The following PPP1R9A variants were observed in gnomAD, a reference collection of about 807,000 sequenced individuals.
PPP1R9A encodes neurabin-1.
In PPP1R9A, 59 loss-of-function variants were observed where a neutral mutation model predicts 141.9. The observed-to-expected ratio is 0.42, with a 90% confidence interval of 0.34 to 0.52. The LOEUF (loss-of-function observed/expected upper bound fraction) is 0.52. Ranked by LOEUF, PPP1R9A falls within the 20% of genes least tolerant of loss-of-function variation. The pLI, the probability that PPP1R9A is intolerant of heterozygous loss-of-function variation, is 0.10. For synonymous variants in PPP1R9A, 500 were observed against 569.7 expected (o/e 0.88, Z 1.74); for missense variants, 1,444 against 1,611.9 (o/e 0.90, Z 1.78).
At chr7:95,016,091 A>T (rs1805067292) in intron 2 of PPP1R9A, among the ~76,000 whole-genome samples, 1 of 152,130 alleles carries the variant, frequency 6.6e-6, no homozygotes, top group Non-Finnish European at 1.5e-5. Flanking sequence ...GCCTAGATAG[A>T]TTGTAATCAA....
At chr7:95,033,889 A>G (rs1225672914) in intron 2 of PPP1R9A, among the ~76,000 whole-genome samples, 1 of 152,158 alleles carries the variant, frequency 6.6e-6, no homozygotes, top group Non-Finnish European at 1.5e-5. Flanking sequence ...TTGTGATGCT[A>G]TATACCAATG....
intron 3 of PPP1R9A, among the ~76,000 whole-genome samples, chr7:95,115,912 G>GT (rs1821417559): frequency 7.3e-6 from 1 of 137,022 alleles, no homozygotes; most frequent in Non-Finnish European, 1.5e-5. Flanking sequence ...ACAAGACTCT[G>GT]TCTCAAAAAA....
intron 5 of PPP1R9A, among the ~76,000 whole-genome samples, chr7:95,176,222 A>G (rs888508314): frequency 6.6e-6 from 1 of 152,076 alleles, no homozygotes; most frequent in African/African-American, 2.4e-5. Flanking sequence ...AGCCTGGTGG[A>G]TTTGCTGGGT....
At chr7:94,923,607 C>T (rs779958308) in intron 2 of PPP1R9A, among the ~76,000 whole-genome samples, 2 of 152,112 alleles carry the variant, frequency 1.3e-5, no homozygotes, top group Non-Finnish European at 2.9e-5. Flanking sequence ...TCCTGTTGTT[C>T]CTCTTAAAAA....
rs186264487 is a variant in PPP1R9A at position 95,143,599 on chromosome 7, G to A, written c.1650-18268G>A. On this transcript the variant is annotated intron_variant, in intron 4 of 19. Coordinates refer to ENST00000433360, the MANE Select transcript of PPP1R9A (RefSeq NM_001166160.2). Reference sequence around the variant, plus strand: ...TGATTTTATTGGTATTTACCCTACCGAGTCAGTAGTGCCTAAATCCTAACA... The same window carrying A: ...TGATTTTATTGGTATTTACCCTACCAAGTCAGTAGTGCCTAAATCCTAACA... Among the ~76,000 whole-genome samples the A allele has an allele frequency of 7.8e-3, 1,183 of 152,216 alleles. 14 individuals carry two copies. Among genetic ancestry groups the A allele is most frequent in the African/African-American group, 0.027 (1,118 of 41,546 alleles).
At chr7:94,975,779 G>C (rs1438390538) in intron 2 of PPP1R9A, among the ~76,000 whole-genome samples, 2 of 152,082 alleles carry the variant, frequency 1.3e-5, no homozygotes, top group Non-Finnish European at 2.9e-5. Flanking sequence ...GGTTATCTTT[G>C]CTTAGCTGGA....
intron 2 of PPP1R9A, among the ~76,000 whole-genome samples, chr7:94,997,867 T>C (rs2151488659): frequency 6.6e-6 from 1 of 152,278 alleles, no homozygotes; most frequent in South Asian, 2.1e-4. Context: ...TACTTGGGAT[T>C]CCTAGCCTGC....
chr7:95,167,032 G>T (rs1831371084), intron 5 of PPP1R9A, among the ~76,000 whole-genome samples: 7 of 152,130 alleles, frequency 4.6e-5, no homozygotes, highest in Admixed American at 4.6e-4. Context: ...CCATTTTCAT[G>T]CTGCTGCTGA....
At chr7:95,255,044 A>G (rs1358219593) in intron 12 of PPP1R9A, among the ~76,000 whole-genome samples, 1 of 152,094 alleles carries the variant, frequency 6.6e-6, no homozygotes, top group East Asian at 1.9e-4. Context: ...AAGAGCCATA[A>G]CAGACCCCAA....
intron 7 of PPP1R9A, among the ~76,000 whole-genome samples, chr7:95,204,009 A>G (rs1389821589): frequency 2.0e-5 from 3 of 152,170 alleles, no homozygotes; most frequent in African/African-American, 7.2e-5. Flanking sequence ...TTGTGATTCA[A>G]ATTAAAGGGA....
intron 2 of PPP1R9A, among the ~76,000 whole-genome samples, chr7:95,074,769 C>T (rs999340902): frequency 1.4e-4 from 21 of 152,048 alleles, no homozygotes; most frequent in African/African-American, 2.4e-4. Context: ...CCATCGTGCC[C>T]GGCCCAAAGA....
intron 2 of PPP1R9A, among the ~76,000 whole-genome samples, chr7:94,977,189 C>T (rs148393112): frequency 2.0e-5 from 3 of 152,014 alleles, no homozygotes; most frequent in South Asian, 2.1e-4. Flanking sequence ...TTGAGGTGTT[C>T]GAAAGGCAGT....
chr7:94,952,177 C>T (rs903691378), intron 2 of PPP1R9A, among the ~76,000 whole-genome samples: 3 of 152,116 alleles, frequency 2.0e-5, no homozygotes, highest in African/African-American at 7.2e-5. Flanking sequence ...TTGTTCAACT[C>T]CCACTTATGA....
At chr7:95,269,635 T>A in intron 14 of PPP1R9A, 128 bp downstream of exon 14, 1 of 707,580 alleles carries the variant, frequency 1.4e-6, no homozygotes, top group Non-Finnish European at 2.1e-6. Context: ...CTTTTTATAT[T>A]ATAGAATAAG....
At chr7:95,079,615 A>G (rs1029794888) in intron 2 of PPP1R9A, among the ~76,000 whole-genome samples, 2 of 152,190 alleles carry the variant, frequency 1.3e-5, no homozygotes, top group African/African-American at 4.8e-5. Flanking sequence ...CTGATACCAA[A>G]GCCGGGCAGA....
intron 2 of PPP1R9A, among the ~76,000 whole-genome samples, chr7:94,934,202 G>GTA (rs1436083574): frequency 6.6e-6 from 1 of 152,116 alleles, no homozygotes; most frequent in Admixed American, 6.6e-5. Flanking sequence ...CCTTTTTACT[G>GTA]TATAAAATGC....
chr7:94,911,564 A>G, intron 2 of PPP1R9A, 56 bp downstream of exon 2: 1 of 1,362,880 alleles, frequency 7.3e-7, no homozygotes, highest in Non-Finnish European at 1.0e-6. Context: ...CTAGGGCCTA[A>G]TTGTATGTAG....
At chr7:95,278,188 G>A (rs12537967) in intron 16 of PPP1R9A, among the ~76,000 whole-genome samples, 17,488 of 152,104 alleles carry the variant, frequency 0.11, 1,341 homozygotes, top group African/African-American at 0.21. Flanking sequence ...GGATTGGGCT[G>A]ACACTGCATG....
At chr7:95,139,810 T>TAAAAAAAAAAAAAAAAAA (rs1177269547) in intron 4 of PPP1R9A, among the ~76,000 whole-genome samples, 1 of 95,330 alleles carries the variant, frequency 1.0e-5, no homozygotes, top group Non-Finnish European at 2.3e-5. Flanking sequence ...AGCAAAACAT[T>TAAAAAAAAAAAAAAAAAA]AAAAAAAAAA....
Sources: gnomAD v4.1 joint callset for allele counts (sites outside exome capture counted in the v4.1 genomes callset) on GRCh38, gnomAD v4.1.1 for gene constraint, MANE v1.5 for transcripts, NCBI Gene and HGNC (gene_info 2026-07-23, HGNC 2026-07-21) for gene names.